The following GASK1B variants were observed in gnomAD, a reference collection of about 807,000 sequenced individuals.
GASK1B encodes the protein golgi associated kinase 1B.
GASK1B carries 34 observed loss-of-function variants against 42.8 expected under a neutral mutation model. The ratio of observed to expected loss-of-function variants is 0.79; its 90% confidence interval spans 0.60 to 1.06. The LOEUF is 1.06. Ranked by LOEUF, GASK1B falls within the 50% of genes least tolerant of loss-of-function variation. The pLI is 0.00. For synonymous variants in GASK1B, 262 were observed against 259.1 expected, an observed-to-expected ratio of 1.01 and a Z score of -0.11; for missense variants, 686 against 661.0, an observed-to-expected ratio of 1.04 and a Z score of -0.42.
At chr4:158,137,405 CAGTG>C (rs887363447) in intron 3 of GASK1B, among the ~76,000 whole-genome samples, 239 of 152,234 alleles carry the variant, frequency 1.6e-3, no homozygotes, top group African/African-American at 5.5e-3. Flanking sequence ...GGGAAAAAGA[CAGTG>C]AGAATCGTTA....
intron 1 of GASK1B, chr4:158,172,303 A>T (rs1376531136): frequency 2.6e-5 from 4 of 152,180 alleles, no homozygotes; most frequent in Non-Finnish European, 5.9e-5. Flanking sequence ...CACTATTAAA[A>T]AGAAAAAGAA....
chr4:158,138,071 C>A (rs1730972703), intron 3 of GASK1B, among the ~76,000 whole-genome samples: 1 of 152,124 alleles, frequency 6.6e-6, no homozygotes, highest in African/African-American at 2.4e-5. Context: ...CACGTAATGA[C>A]ACAGTATTTC....
In GASK1B at chr4:158,138,224, C is replaced by T. The variant is rs150105991; in HGVS notation, c.1126-7212G>A. On this transcript the variant is annotated intron_variant, in intron 3 of 4. Transcript: ENST00000585682. ...TATGCCACAGAAAGACTGGAGTCAC[C>T]AGGCAAGCAACAATCTATTTTTGGA... 4.3e-3 allele frequency among the ~76,000 whole-genome samples: 654 copies of T among 152,222 alleles called. 2 individuals are homozygous for T. Among genetic ancestry groups the T allele is most frequent in the African/African-American group, 0.015 (636 of 41,526 alleles).
At position 158,155,694 on chromosome 4, in the gene GASK1B, G is replaced by A. The variant is rs1430052781; in HGVS notation, c.1042C>T (p.Arg348Ter). 5.6e-6 allele frequency: 9 copies of A among 1,613,742 alleles called. No homozygotes were observed. The highest frequency in any genetic ancestry group is 2.7e-5 in the African/African-American group (2 of 74,900). The part of the protein sequence containing the change: ...LLKQKCWQNG[R>*]VPKPESGCTE... ...CAACCCGATTCAGGCTTGGGTACTC[G>A]GCCATTCTGCCAGCATTTCTGTTTC... Residue 348 changes from arginine (R) to a stop codon, truncating the protein, a stop_gained, in exon 3 of 5, where the codon CGA becomes TGA. Coordinates refer to ENST00000585682, the MANE Select transcript of GASK1B (RefSeq NM_001128424.2). LOFTEE classifies it high-confidence loss of function.
chr4:158,161,929 G>A (rs1038117226), intron 2 of GASK1B, among the ~76,000 whole-genome samples: 1 of 151,950 alleles, frequency 6.6e-6, no homozygotes, highest in African/African-American at 2.4e-5. Flanking sequence ...TAAAGTCCAG[G>A]CTCCTTGCAG....
At chr4:158,155,466 CA>C (rs1731720411) in intron 3 of GASK1B, 144 bp downstream of exon 3, 1 of 728,002 alleles carries the variant, frequency 1.4e-6, no homozygotes, top group African/African-American at 1.8e-5. Context: ...CCATTATGGC[CA>C]AAACCACAAT....
At chr4:158,164,821 C>T (rs535095996) in intron 2 of GASK1B, among the ~76,000 whole-genome samples, 6 of 152,342 alleles carry the variant, frequency 3.9e-5, no homozygotes, top group African/African-American at 1.4e-4. Context: ...CCTGCCTCGG[C>T]AACTGCACTT....
Position 158,170,664 on chromosome 4 carries a change from C to T in GASK1B, c.712G>A (p.Val238Met), listed in dbSNP as rs1169175467. The change falls in exon 2 of 5, where the codon GTG becomes ATG. Residue 238 changes from valine (V) to methionine (M), a missense_variant. Transcript: ENST00000585682. ...AAACGGGCTCCGCTCCTAGAGGACA[C>T]AGGCCGGAGCCCTGCCACTGCGCTG... ...ADSAVAGLRPVSSRSGARLLV... is the reference protein window; with the variant it reads ...ADSAVAGLRPMSSRSGARLLV... 3.7e-6 allele frequency: 6 copies of T among 1,614,114 alleles called. No homozygotes were observed. In the Admixed American group the frequency reaches 1.0e-4, roughly 27 times the overall value.
intron 3 of GASK1B, among the ~76,000 whole-genome samples, chr4:158,154,426 A>T (rs776476648): frequency 3.9e-5 from 6 of 152,202 alleles, no homozygotes; most frequent in Non-Finnish European, 7.3e-5. Flanking sequence ...GTAAACTAGT[A>T]CAACTACTAT....
intron 4 of GASK1B, among the ~76,000 whole-genome samples, chr4:158,128,648 T>C (rs1368710237): frequency 6.6e-6 from 1 of 152,190 alleles, no homozygotes; most frequent in Non-Finnish European, 1.5e-5. Flanking sequence ...TAAGCACCTC[T>C]TCCAAATTTC....
At chr4:158,150,734 A>T (rs1288081878) in intron 3 of GASK1B, among the ~76,000 whole-genome samples, 1 of 152,210 alleles carries the variant, frequency 6.6e-6, no homozygotes, top group African/African-American at 2.4e-5. Flanking sequence ...GAGATAATGC[A>T]TATATAATGC....
In GASK1B at chr4:158,155,855, C is replaced by T. The variant is rs759327111; in HGVS notation, c.911-30G>A. On this transcript the variant is annotated intron_variant, in intron 2 of 4. Coordinates refer to ENST00000585682, the MANE Select transcript of GASK1B (RefSeq NM_001128424.2). ...AGAATCAGAAAAACAAACACACTTT[C>T]AGCACACTATTGACTCAGGGTGTGT... The T allele has an allele frequency of 1.0e-5, 16 of 1,593,256 alleles. No homozygotes were observed. In the South Asian group the frequency reaches 1.7e-4, roughly 17 times the overall value.
At chr4:158,135,929 G>A (rs1446587442) in intron 3 of GASK1B, among the ~76,000 whole-genome samples, 3 of 152,002 alleles carry the variant, frequency 2.0e-5, no homozygotes, top group African/African-American at 4.8e-5. Flanking sequence ...AGTGTATTTG[G>A]CCAGTGCTTC....
intron 2 of GASK1B, among the ~76,000 whole-genome samples, chr4:158,157,932 A>C (rs1731818960): frequency 6.6e-6 from 1 of 152,124 alleles, no homozygotes; most frequent in Admixed American, 6.6e-5. Flanking sequence ...AATCACCTAT[A>C]ACCTCATCTC....
rs1458091337 is a variant in GASK1B, at chr4:158,170,786, T to C, written c.590A>G (p.Gln197Arg). 2 of 1,614,224 alleles carry C rather than the reference T, an allele frequency of 1.2e-6. No homozygotes were observed. The highest frequency in any genetic ancestry group is 3.3e-5 in the Admixed American group (2 of 60,030). The change falls in exon 2 of 5, where the codon CAG becomes CGG. Residue 197 changes from glutamine (Q) to arginine (R), a missense_variant. By Grantham distance (43) the Gln-to-Arg change is conservative. Transcript: ENST00000585682. Reference sequence around the variant, plus strand: ...AATGTTGCTCTCCCTGGAGCTGGGCTGCAGGAAGTCTGGGCCCCCGGCTCG... The same window carrying C: ...AATGTTGCTCTCCCTGGAGCTGGGCCGCAGGAAGTCTGGGCCCCCGGCTCG... ...GVRAGGPDFL[Q>R]PSSRESNIRI...
At chr4:158,172,537 G>A (rs1732599197) in intron 1 of GASK1B, 1 of 152,140 alleles carries the variant, frequency 6.6e-6, no homozygotes, top group Non-Finnish European at 1.5e-5. Context: ...ACTGCTGCAT[G>A]GTTTTAAGAG....
At chr4:158,158,301 C>T (rs1183967196) in intron 2 of GASK1B, among the ~76,000 whole-genome samples, 2 of 152,074 alleles carry the variant, frequency 1.3e-5, no homozygotes, top group African/African-American at 4.8e-5. Flanking sequence ...TACATATATA[C>T]ATCACATAAT....
At chr4:158,131,227 G>C (rs544756463) in intron 3 of GASK1B, among the ~76,000 whole-genome samples, 1 of 152,188 alleles carries the variant, frequency 6.6e-6, no homozygotes, top group Non-Finnish European at 1.5e-5. Context: ...TCTGCTAATA[G>C]ATCCAAAGTC....
At chr4:158,144,435 A>T (rs190183192) in intron 3 of GASK1B, among the ~76,000 whole-genome samples, 3 of 152,320 alleles carry the variant, frequency 2.0e-5, no homozygotes, top group Admixed American at 2.0e-4. Flanking sequence ...TTAGTTGTAC[A>T]CTATTAAAAG....
Sources: gnomAD v4.1 joint callset for allele counts (sites outside exome capture counted in the v4.1 genomes callset) on GRCh38, gnomAD v4.1.1 for gene constraint, MANE v1.5 for transcripts, NCBI Gene and HGNC (gene_info 2026-07-23, HGNC 2026-07-21) for gene names.